Variants in PPARG observed in about 807,000 individuals in gnomAD.
PPARG encodes peroxisome proliferator activated receptor gamma.
Under a neutral mutation model 39.2 loss-of-function variants are expected in PPARG, and 17 were observed. The observed-to-expected ratio is 0.43, with a 90% CI of 0.30 to 0.65. The LOEUF is 0.65. Among genes scored for constraint, PPARG ranks in the 30% least tolerant of loss-of-function variants. The pLI, the probability that PPARG is intolerant of heterozygous loss-of-function variation, is 0.13. For synonymous variants in PPARG, 223 were observed against 215.7 expected (o/e 1.03, Z -0.30); for missense variants, 406 against 585.9 (o/e 0.69, Z 3.17).
intron 2 of PPARG, among the ~76,000 whole-genome samples, chr3:12,326,244 T>C (rs2047690653): frequency 6.6e-6 from 1 of 152,238 alleles, no homozygotes; most frequent in South Asian, 2.1e-4. Context: ...ATATAGTTTA[T>C]TGCACTTATA....
At chr3:12,427,028 C>T (rs1303349297) in intron 7 of PPARG, among the ~76,000 whole-genome samples, 1 of 152,134 alleles carries the variant, frequency 6.6e-6, no homozygotes, top group Non-Finnish European at 1.5e-5. Flanking sequence ...CATTCGTTTG[C>T]TTTTTTAGTC....
At chr3:12,398,392 C>T (rs752604304) in intron 5 of PPARG, among the ~76,000 whole-genome samples, 1 of 152,060 alleles carries the variant, frequency 6.6e-6, no homozygotes, top group Non-Finnish European at 1.5e-5. Flanking sequence ...AATGAATTAA[C>T]CAAGAGAGGA....
chr3:12,368,676 GC>G (rs2049106475), intron 2 of PPARG, among the ~76,000 whole-genome samples: 1 of 152,142 alleles, frequency 6.6e-6, no homozygotes, highest in African/African-American at 2.4e-5. Flanking sequence ...TTTACAACAA[GC>G]ACTTAATAAT....
At chr3:12,335,774 A>G (rs2047996075) in intron 2 of PPARG, among the ~76,000 whole-genome samples, 1 of 152,222 alleles carries the variant, frequency 6.6e-6, no homozygotes, top group South Asian at 2.1e-4. Context: ...ATTTCCAATA[A>G]AAGTATTAAT....
chr3:12,396,342 G>T (rs962918641), intron 5 of PPARG, among the ~76,000 whole-genome samples: 1 of 152,012 alleles, frequency 6.6e-6, no homozygotes, highest in Non-Finnish European at 1.5e-5. Context: ...AGATGGTCTC[G>T]AACTCCTGAC....
Position 12,379,906 on chromosome 3 carries a change from T to C in PPARG, c.195T>C (p.Tyr65=). ...ATCCAGTGGTTGCAGATTACAAGTA[T>C]GACCTGAAACTTCAAGAGTACCAAA... ...RTDPVVADYK[Y]DLKLQEYQSA... The change falls in exon 3 of 8, where the codon TAT becomes TAC. Residue 65 remains tyrosine, a synonymous_variant. Transcript: ENST00000651735. The C allele has an allele frequency of 6.2e-7, 1 of 1,611,218 alleles. No homozygotes were observed. The highest frequency in any genetic ancestry group is 1.3e-5 in the African/African-American group (1 of 74,970).
chr3:12,331,517 AGAGTTTAAACAGGG>A lies in PPARG; in HGVS notation c.-9+19069_-9+19082del, dbSNP rs150496456. Among the ~76,000 whole-genome samples the A allele has an allele frequency of 2.8e-3, 424 of 152,292 alleles. 1 individual carries two copies. Among genetic ancestry groups the A allele is most frequent in the African/African-American group, 9.8e-3 (406 of 41,556 alleles). The stretch of plus-strand genomic sequence containing the variant: ...GTTTAAGACAATCAAAAGTCAAAAT[AGAGTTTAAACAGGG>A]GAGTGACATAACCTGATTTGCATCA... On this transcript the variant is annotated intron_variant, in intron 2 of 7. Coordinates refer to ENST00000651735, the MANE Select transcript of PPARG (RefSeq NM_138711.6).
chr3:12,328,929 A>G (rs2047771544), intron 2 of PPARG, among the ~76,000 whole-genome samples: 1 of 152,182 alleles, frequency 6.6e-6, no homozygotes, highest in Non-Finnish European at 1.5e-5. Context: ...TTCAACAGTC[A>G]GCAGCACCTC....
chr3:12,381,488 C>T lies in PPARG; in HGVS notation c.387C>T (p.Cys129=). ...ATGGAGTTCATGCTTGTGAAGGATG[C>T]AAGGTAATTAAAAAAAAAGTCTTCA... is the stretch of plus-strand genomic sequence containing the variant. ...FHYGVHACEG[C]KGFFRRTIRL... The change falls in exon 4 of 8, where the codon TGC becomes TGT. Residue 129 remains cysteine (C), a synonymous_variant. Transcript: ENST00000651735. 6.2e-7 allele frequency: 1 copy of T among 1,612,742 alleles called. No homozygotes were observed. The highest frequency in any genetic ancestry group is 8.5e-7 in the Non-Finnish European group (1 of 1,179,336).
intron 4 of PPARG, among the ~76,000 whole-genome samples, chr3:12,388,030 T>G (rs1312386071): frequency 1.3e-5 from 2 of 152,148 alleles, no homozygotes; most frequent in Non-Finnish European, 2.9e-5. Context: ...AATATTAGTC[T>G]TTAAAAAGCA....
intron 2 of PPARG, chr3:12,328,230 G>C: frequency 6.5e-7 from 1 of 1,534,106 alleles, no homozygotes; most frequent in Middle Eastern, 2.3e-4. Context: ...CGTTAAGGAA[G>C]CTGAGAACAA....
chr3:12,345,237 G>A (rs1026622236), intron 2 of PPARG, among the ~76,000 whole-genome samples: 3 of 152,194 alleles, frequency 2.0e-5, no homozygotes, highest in Non-Finnish European at 2.9e-5. Context: ...ATCTGTGAAT[G>A]AGGCAAGAGA....
At chr3:12,376,240 C>T (rs1313829638) in intron 2 of PPARG, among the ~76,000 whole-genome samples, 1 of 152,092 alleles carries the variant, frequency 6.6e-6, no homozygotes, top group Non-Finnish European at 1.5e-5. Flanking sequence ...TGAGCCACCG[C>T]ACCCGGCCTC....
At chr3:12,398,475 G>C (rs926554409) in intron 5 of PPARG, among the ~76,000 whole-genome samples, 5 of 152,208 alleles carry the variant, frequency 3.3e-5, no homozygotes, top group African/African-American at 1.2e-4. Flanking sequence ...GATGCCTATA[G>C]AGTATCCAGC....
intron 4 of PPARG, among the ~76,000 whole-genome samples, chr3:12,381,916 G>GTTTATTTATTTA (rs796113249): frequency 1.2e-3 from 178 of 152,050 alleles, no homozygotes; most frequent in Middle Eastern, 6.8e-3. Flanking sequence ...TTCTCTAGTT[G>GTTTATTTATTTA]TTTATTTATT....
At chr3:12,287,956 C>G (rs1264290417), upstream of PPARG, 1 of 149,894 alleles carries the variant, frequency 6.7e-6, no homozygotes, top group Non-Finnish European at 1.5e-5. Context: ...CCGCAGCCGC[C>G]GCCTGGGGCG....
At chr3:12,311,723 A>C (rs1429714469) in intron 1 of PPARG, among the ~76,000 whole-genome samples, 2 of 152,118 alleles carry the variant, frequency 1.3e-5, no homozygotes, top group African/African-American at 4.8e-5. Flanking sequence ...CTATTCTAGG[A>C]TCCTTGAGCC....
intron 2 of PPARG, among the ~76,000 whole-genome samples, chr3:12,325,063 G>A (rs949158368): frequency 1.1e-4 from 16 of 151,898 alleles, no homozygotes; most frequent in Admixed American, 4.6e-4. Flanking sequence ...GAGGCGGGCG[G>A]ATCACTTGAG....
chr3:12,380,643 T>C (rs949494824), intron 3 of PPARG, among the ~76,000 whole-genome samples: 2 of 152,204 alleles, frequency 1.3e-5, no homozygotes, highest in Non-Finnish European at 2.9e-5. Flanking sequence ...TTCTAGTGGC[T>C]TTTAAAGATA....
Sources: gnomAD v4.1 joint callset for allele counts (sites outside exome capture counted in the v4.1 genomes callset) on GRCh38, gnomAD v4.1.1 for gene constraint, MANE v1.5 for transcripts, NCBI Gene and HGNC (gene_info 2026-07-23, HGNC 2026-07-21) for gene names.